The following SYNJ1 variants were observed in gnomAD, a reference collection of about 807,000 sequenced individuals.
SYNJ1 encodes the protein synaptojanin 1, also known as polyphosphatidylinositol phosphatase SYNJ1.
Under a neutral mutation model 168.2 loss-of-function variants are expected in SYNJ1, and 78 were observed. That is an observed-to-expected ratio of 0.46 (90% CI 0.39 to 0.56). The LOEUF is 0.56. SYNJ1 is among the 20% of genes least tolerant of loss of function. The probability of loss-of-function intolerance (pLI) is 0.00; values close to 1 mark genes in which losing one functional copy is unlikely to be tolerated. For missense variants in SYNJ1, 1,303 were observed against 1,597.6 expected (o/e 0.82, Z 3.14); for synonymous variants, 539 against 548.6 (o/e 0.98, Z 0.24).
At position 32,688,337 on chromosome 21, in the gene SYNJ1, C is replaced by T. The variant is rs1378632074; in HGVS notation, c.820G>A (p.Gly274Arg). The T allele has an allele frequency of 6.2e-7, 1 of 1,613,494 alleles. No homozygotes were observed. The highest frequency in any genetic ancestry group is 2.2e-5 in the East Asian group (1 of 44,832). The change falls in exon 7 of 33, where the codon GGA (glycine) becomes AGA (arginine). Residue 274 changes from glycine (G) to arginine (R), a missense_variant. Coordinates refer to ENST00000674351, the MANE Select transcript of SYNJ1 (RefSeq NM_203446.3). ...AAAGCAGGTGCATTGGCTTCAAATC[C>T]CCTTGACATACGGACACGATGAGAT... ...VGSHRVRMSR[G>R]FEANAPAFDR...
chr21:32,698,725 T>C (rs1007194148), intron 4 of SYNJ1, among the ~76,000 whole-genome samples: 4 of 152,280 alleles, frequency 2.6e-5, no homozygotes, highest in Admixed American at 6.5e-5. Context: ...ACATCACACT[T>C]ACCTACATAA....
intron 6 of SYNJ1, among the ~76,000 whole-genome samples, chr21:32,688,731 A>T (rs2041919337): frequency 6.6e-6 from 1 of 152,226 alleles, no homozygotes; most frequent in Non-Finnish European, 1.5e-5. Context: ...GTAATTAAAA[A>T]AACCAAAATA....
chr21:32,695,271 A>G lies in SYNJ1; in HGVS notation c.491T>C (p.Leu164Ser). The G allele has an allele frequency of 6.2e-7, 1 of 1,613,856 alleles. No individual in the cohort carries two copies. Among genetic ancestry groups the G allele is most frequent in the Non-Finnish European group, 8.5e-7 (1 of 1,179,806 alleles). Residue 164 changes from leucine to serine, a missense_variant, in exon 5 of 33, where the codon TTG (leucine) becomes TCG (serine). Physicochemically the swap from Leu to Ser is moderately radical, Grantham distance 145 (BLOSUM62 -2). Transcript: ENST00000674351. ...TDNRFFWNQS[L>S]HLHLKHYGVN... ...GCCATAGTGTTTGAGATGCAAATGC[A>G]AAGACTGATTCCTAATAGGAAAAGA...
chr21:32,668,157 C>A (rs1350047078), intron 15 of SYNJ1, among the ~76,000 whole-genome samples: 1 of 151,942 alleles, frequency 6.6e-6, no homozygotes, highest in Admixed American at 6.6e-5. Context: ...CTCCGTCTCC[C>A]AGGTTCAAGC....
chr21:32,690,638 C>A (rs557010308), intron 6 of SYNJ1, among the ~76,000 whole-genome samples: 1 of 152,260 alleles, frequency 6.6e-6, no homozygotes, highest in South Asian at 2.1e-4. Context: ...TGCCTGTAAT[C>A]CCAGTACTTG....
At chr21:32,694,349 G>C in intron 5 of SYNJ1, 38 bp from the exon 6 acceptor site, 1 of 1,477,306 alleles carries the variant, frequency 6.8e-7, no homozygotes. Flanking sequence ...TATTTCCACA[G>C]AAAAGTTGTT....
chr21:32,719,399 T>G (rs1455888858), intron 2 of SYNJ1, among the ~76,000 whole-genome samples: 1 of 152,182 alleles, frequency 6.6e-6, no homozygotes, highest in African/African-American at 2.4e-5. Flanking sequence ...AGGACGGCAG[T>G]GTACTCTGTT....
rs180672698 is a variant in SYNJ1, at chr21:32,707,229, A to G, written c.125-5182T>C. ...GAGGTAAATCTTTCTCCTATTTTAT[A>G]CTATAGTTACATGTAAACTAGTAAC... On this transcript the variant is annotated intron_variant, in intron 2 of 32. Coordinates refer to ENST00000674351, the MANE Select transcript of SYNJ1 (RefSeq NM_203446.3). Among the ~76,000 whole-genome samples, 121 of 151,076 alleles carry G rather than the reference A, an allele frequency of 8.0e-4. 3 individuals are homozygous for G. In the East Asian group the frequency reaches 0.019, roughly 24 times the overall value.
At chr21:32,657,176 G>T (rs1011674098) in intron 19 of SYNJ1, 56 bp from the exon 20 acceptor site, 1 of 1,201,374 alleles carries the variant, frequency 8.3e-7, no homozygotes, top group Non-Finnish European at 1.2e-6. Flanking sequence ...GACAGATCGT[G>T]TAGAGCAAAG....
rs570985552 is a variant in SYNJ1 at position 32,639,796 on chromosome 21, T to C, written c.3589-17A>G. ...AGGAATCGTCTACAGATAGGAAACA[T>C]AACACTTGAGACATTTACTTACCTT... On this transcript the variant is annotated splice_polypyrimidine_tract_variant and intron_variant, in intron 29 of 32. Transcript: ENST00000674351. 1.9e-6 allele frequency: 3 copies of C among 1,602,074 alleles called. No individual in the cohort carries two copies. Among genetic ancestry groups the C allele is most frequent in the South Asian group, 2.2e-5 (2 of 90,514 alleles).
intron 2 of SYNJ1, among the ~76,000 whole-genome samples, chr21:32,723,180 TC>T (rs1362752813): frequency 6.6e-6 from 1 of 152,202 alleles, no homozygotes; most frequent in African/African-American, 2.4e-5. Flanking sequence ...AACACGTGGG[TC>T]CCTAAGGGGA....
intron 9 of SYNJ1, 94 bp from the exon 10 acceptor site, chr21:32,684,213 T>C: frequency 8.7e-7 from 1 of 1,151,198 alleles, no homozygotes; most frequent in Non-Finnish European, 1.3e-6. Flanking sequence ...AGCATCCACC[T>C]TCCCTCTCCA....
chr21:32,711,192 C>G (rs945371326), intron 2 of SYNJ1, among the ~76,000 whole-genome samples: 1 of 152,210 alleles, frequency 6.6e-6, no homozygotes, highest in East Asian at 1.9e-4. Context: ...AAAATAGAAA[C>G]GGTAGAGGTG....
At chr21:32,677,313 G>C (rs1364551275) in intron 12 of SYNJ1, among the ~76,000 whole-genome samples, 2 of 152,164 alleles carry the variant, frequency 1.3e-5, no homozygotes, top group East Asian at 3.9e-4. Flanking sequence ...ATAAGCTCAT[G>C]CAAAATTGGC....
intron 13 of SYNJ1, among the ~76,000 whole-genome samples, chr21:32,674,412 A>T (rs1249422852): frequency 6.6e-6 from 1 of 152,188 alleles, no homozygotes; most frequent in East Asian, 1.9e-4. Flanking sequence ...TATAGCATTT[A>T]TCACATTTAT....
At chr21:32,677,604 C>G (rs1436710801) in intron 12 of SYNJ1, among the ~76,000 whole-genome samples, 1 of 152,050 alleles carries the variant, frequency 6.6e-6, no homozygotes, top group Non-Finnish European at 1.5e-5. Flanking sequence ...ACAAATCAGT[C>G]AAGTCTCTAC....
At chr21:32,666,235 T>C (rs543563377) in intron 16 of SYNJ1, 100 bp from the exon 17 acceptor site, 16 of 1,448,924 alleles carry the variant, frequency 1.1e-5, no homozygotes, top group African/African-American at 9.9e-5. Context: ...ACACATGGTA[T>C]GGTACTTTGA....
intron 12 of SYNJ1, among the ~76,000 whole-genome samples, chr21:32,677,675 G>A (rs1406343512): frequency 5.3e-5 from 8 of 152,118 alleles, no homozygotes; most frequent in Non-Finnish European, 4.4e-5. Flanking sequence ...GACATTTTTT[G>A]GAGTTTTAGT....
At chr21:32,703,961 T>C (rs534404639) in intron 2 of SYNJ1, among the ~76,000 whole-genome samples, 3 of 152,236 alleles carry the variant, frequency 2.0e-5, no homozygotes, top group Non-Finnish European at 2.9e-5. Context: ...GCTCAAGCAA[T>C]CCTCCTGTCT....
Sources: allele counts gnomAD v4.1 joint callset (sites outside exome capture counted in the v4.1 genomes callset), GRCh38; gene constraint gnomAD v4.1.1; transcripts MANE v1.5; gene names NCBI Gene and HGNC (gene_info 2026-07-23, HGNC 2026-07-21).